SREK1IP1: variants seen among roughly 807,000 people sequenced by gnomAD.
SREK1IP1 encodes SREK1 interacting protein 1.
In SREK1IP1, 12 loss-of-function variants were observed where a neutral mutation model predicts 22.8. That is an observed-to-expected ratio of 0.53 (90% confidence interval 0.34 to 0.85). The LOEUF (loss-of-function observed/expected upper bound fraction) is 0.85. Among genes scored for constraint, SREK1IP1 ranks in the 40% least tolerant of loss-of-function variants. The pLI, the probability that SREK1IP1 is intolerant of heterozygous loss-of-function variation, is 0.02. For missense variants in SREK1IP1, 147 were observed against 171.8 expected (o/e 0.86, Z 0.81); for synonymous variants, 53 against 52.7 (o/e 1.01, Z -0.02).
At position 64,728,183 on chromosome 5, in the gene SREK1IP1, T is replaced by TG. The variant is rs1561383195; in HGVS notation, c.206-5dup. 1 of 1,402,188 alleles carries TG rather than the reference T, an allele frequency of 7.1e-7. No individual in the cohort carries two copies. The highest frequency in any genetic ancestry group is 9.4e-7 in the Non-Finnish European group (1 of 1,069,008). 86.9% of individuals were successfully genotyped at this position (1,402,188 alleles called of 1,614,324 possible). On this transcript the variant is annotated splice_region_variant and splice_polypyrimidine_tract_variant and intron_variant, in intron 3 of 4. Coordinates refer to ENST00000513458, the MANE Select transcript of SREK1IP1 (RefSeq NM_173829.4). ...TTTTCCTCTTCTTCATTTATTCCTG[T>TG]GGGGGAGAGGTGAGAAGAAAAAAAT...
Position 64,719,135 on chromosome 5 carries a change from T to C in SREK1IP1, c.*5249A>G, listed in dbSNP as rs991721235. The C allele has an allele frequency of 2.6e-5, 4 of 152,180 alleles. No homozygotes were observed. The highest frequency in any genetic ancestry group is 9.7e-5 in the African/African-American group (4 of 41,450). The allele number at this position is 152,180 out of a possible 1,614,324, so 9.4% of individuals were successfully genotyped here. A position where few individuals can be genotyped will look rare whatever the true frequency, so the allele number is the denominator to read the frequency against. On this transcript the variant is annotated 3_prime_UTR_variant, in exon 5 of 5. Transcript: ENST00000513458. Reference sequence around the variant, plus strand: ...AATGTTCTTTCTATATCTGCACTAATATGGTAGCCACCAGTCACATGTGGC... The same window carrying C: ...AATGTTCTTTCTATATCTGCACTAACATGGTAGCCACCAGTCACATGTGGC...
chr5:64,757,482 G>A (rs1324487321), intron 1 of SREK1IP1, among the ~76,000 whole-genome samples: 2 of 152,172 alleles, frequency 1.3e-5, no homozygotes, highest in East Asian at 1.9e-4. Context: ...TGATACATTG[G>A]GGAAAAATTT....
chr5:64,728,138 C>G lies in SREK1IP1; in HGVS notation c.247G>C (p.Glu83Gln). Residue 83 changes from glutamate (E) to glutamine (Q), a missense_variant, in exon 4 of 5, where the codon GAA (glutamate) becomes CAA (glutamine). This residue lies in a region of SREK1IP1 where 82 missense variants were observed against 81.7 expected (regional missense o/e 1.00). Transcript: ENST00000513458. Reference sequence around the variant, plus strand: ...CTTTTTTTTTTCAATTTGATTTTTTCTTTGCTTTTTTCTTTCTTCTTTTCC... The same window carrying G: ...CTTTTTTTTTTCAATTTGATTTTTTGTTTGCTTTTTTCTTTCTTCTTTTCC... ...EEEKKKEKSK[E>Q]KIKLKKKRKR... 7.2e-7 allele frequency: 1 copy of G among 1,398,222 alleles called. No homozygotes were observed. 86.6% of individuals were successfully genotyped at this position (1,398,222 alleles called of 1,614,324 possible).
chr5:64,731,516 T>G, intron 3 of SREK1IP1, among the ~76,000 whole-genome samples: 1 of 129,792 alleles, frequency 7.7e-6, no homozygotes, highest in African/African-American at 4.2e-5. Flanking sequence ...AGTGGGCCCT[T>G]GTCTCAAAAA....
chr5:64,731,521 C>CAAAAAAAAAA (rs10599290), intron 3 of SREK1IP1, among the ~76,000 whole-genome samples: 10 of 74,678 alleles, frequency 1.3e-4, no homozygotes, highest in East Asian at 1.3e-3. Flanking sequence ...GCCCTTGTCT[C>CAAAAAAAAAA]AAAAAAAAAA....
chr5:64,763,490 C>T (rs146051068), intron 1 of SREK1IP1, among the ~76,000 whole-genome samples: 9,554 of 151,256 alleles, frequency 0.063, 964 homozygotes, highest in African/African-American at 0.22. Context: ...TGAGCCGAGA[C>T]AGTGCCACTG....
chr5:64,734,192 C>T (rs748707751), intron 3 of SREK1IP1, among the ~76,000 whole-genome samples: 6 of 151,972 alleles, frequency 3.9e-5, no homozygotes, highest in Non-Finnish European at 8.8e-5. Context: ...ATAAAAATTT[C>T]GATTAAAAAA....
chr5:64,742,431 A>C (rs1403093779), intron 2 of SREK1IP1, among the ~76,000 whole-genome samples: 2 of 152,198 alleles, frequency 1.3e-5, no homozygotes, highest in Non-Finnish European at 2.9e-5. Flanking sequence ...TAACACACAA[A>C]AACTGAAACA....
chr5:64,724,272 A>G lies in SREK1IP1; in HGVS notation c.*112T>C. On this transcript the variant is annotated 3_prime_UTR_variant, in exon 5 of 5. Coordinates refer to ENST00000513458, the MANE Select transcript of SREK1IP1 (RefSeq NM_173829.4). ...GGTCCCAAATACGAAAAATGTCTAT[A>G]TGGAAAAGGCTGTGATTTATTGCAA... The G allele has an allele frequency of 1.1e-6, 1 of 938,550 alleles. No homozygotes were observed. The highest frequency in any genetic ancestry group is 1.6e-6 in the Non-Finnish European group (1 of 640,480). 58.1% of individuals were successfully genotyped at this position (938,550 alleles called of 1,614,324 possible).
At chr5:64,758,879 A>G (rs1398708491) in intron 1 of SREK1IP1, among the ~76,000 whole-genome samples, 2 of 152,228 alleles carry the variant, frequency 1.3e-5, no homozygotes, top group Non-Finnish European at 2.9e-5. Context: ...TAAATAAAGT[A>G]CTTTACATCA....
At chr5:64,731,533 A>G (rs1322102000) in intron 3 of SREK1IP1, among the ~76,000 whole-genome samples, 3 of 151,786 alleles carry the variant, frequency 2.0e-5, no homozygotes, top group East Asian at 3.9e-4. Context: ...AAAAAAAAAA[A>G]AAAAAGAGGA....
At chr5:64,726,821 G>C (rs1211453607) in intron 4 of SREK1IP1, among the ~76,000 whole-genome samples, 1 of 152,074 alleles carries the variant, frequency 6.6e-6, no homozygotes, top group Non-Finnish European at 1.5e-5. Flanking sequence ...ATTGAATACT[G>C]TCCTGAAAGT....
chr5:64,745,407 A>G (rs765682691), intron 2 of SREK1IP1, among the ~76,000 whole-genome samples: 2 of 152,122 alleles, frequency 1.3e-5, no homozygotes, highest in Non-Finnish European at 2.9e-5. Flanking sequence ...CTTGGCCAAC[A>G]TGGCGAAATC....
chr5:64,767,556 T>C (rs1212626136), intron 1 of SREK1IP1, among the ~76,000 whole-genome samples: 1 of 152,182 alleles, frequency 6.6e-6, no homozygotes, highest in Non-Finnish European at 1.5e-5. Context: ...AGAAGGAGGT[T>C]CAAAAAGGCT....
chr5:64,752,426 C>T (rs1742764021), intron 2 of SREK1IP1, among the ~76,000 whole-genome samples: 1 of 152,136 alleles, frequency 6.6e-6, no homozygotes, highest in Non-Finnish European at 1.5e-5. Context: ...GCTGGGATTA[C>T]AGGCGTGAGC....
chr5:64,723,841 A>T lies in SREK1IP1; in HGVS notation c.*543T>A, dbSNP rs1415824216. Reference sequence around the variant, plus strand: ...AAAGTCCTAGTCAAGACCATTAAGCAGCTGCATCTTCTACAACATTGAAAA... The same window carrying T: ...AAAGTCCTAGTCAAGACCATTAAGCTGCTGCATCTTCTACAACATTGAAAA... On this transcript the variant is annotated 3_prime_UTR_variant, in exon 5 of 5. Coordinates refer to ENST00000513458, the MANE Select transcript of SREK1IP1 (RefSeq NM_173829.4). The T allele has an allele frequency of 6.6e-6, 1 of 152,644 alleles. No homozygotes were observed. The allele number at this position is 152,644 out of a possible 1,614,324, so 9.5% of individuals were successfully genotyped here.
At chr5:64,726,872 T>C (rs1742277000) in intron 4 of SREK1IP1, among the ~76,000 whole-genome samples, 1 of 152,218 alleles carries the variant, frequency 6.6e-6, no homozygotes, top group Non-Finnish European at 1.5e-5. Context: ...AGTACATTTC[T>C]ACTGCACCAT....
Position 64,724,207 on chromosome 5 carries a change from C to T in SREK1IP1, c.*177G>A. The T allele has an allele frequency of 1.9e-6, 1 of 521,640 alleles. No individual in the cohort carries two copies. The highest frequency in any genetic ancestry group is 3.9e-5 in the South Asian group (1 of 25,776). 32.3% of individuals were successfully genotyped at this position (521,640 alleles called of 1,614,324 possible). A position where few individuals can be genotyped will look rare whatever the true frequency, so the allele number is the denominator to read the frequency against. On this transcript the variant is annotated 3_prime_UTR_variant, in exon 5 of 5. Transcript: ENST00000513458. ...GTAACAAGACTGATTTAATACTTTACAGTTACAGCACATTAAAAATATATT... is the reference window on the plus strand; with the variant it reads ...GTAACAAGACTGATTTAATACTTTATAGTTACAGCACATTAAAAATATATT...
chr5:64,743,586 T>C (rs576172014), intron 2 of SREK1IP1, among the ~76,000 whole-genome samples: 4 of 152,332 alleles, frequency 2.6e-5, no homozygotes, highest in Admixed American at 6.5e-5. Flanking sequence ...AAGTATTGAT[T>C]TGTCAATAAT....
Sources: allele counts gnomAD v4.1 joint callset (sites outside exome capture counted in the v4.1 genomes callset), GRCh38; gene constraint gnomAD v4.1.1; regional missense constraint gnomAD v4.1.1; transcripts MANE v1.5; gene names NCBI Gene and HGNC (gene_info 2026-07-23, HGNC 2026-07-21).